The following TBXAS1 variants were observed in gnomAD, a reference collection of about 807,000 sequenced individuals.
The protein encoded by TBXAS1 is thromboxane A synthase 1, also known as thromboxane-A synthase.
In TBXAS1, 48 loss-of-function variants were observed where a neutral mutation model predicts 60.7. The observed-to-expected ratio is 0.79, with a 90% CI of 0.63 to 1.01. The LOEUF is 1.01. TBXAS1 is among the 50% of genes least tolerant of loss of function. TBXAS1 has a pLI of 0.00. For synonymous variants in TBXAS1, 287 were observed against 269.7 expected, an observed-to-expected ratio of 1.06 and a Z score of -0.63; for missense variants, 685 against 686.3, an observed-to-expected ratio of 1.00 and a Z score of 0.02.
At chr7:139,981,375 C>T (rs949469114) in intron 9 of TBXAS1, among the ~76,000 whole-genome samples, 7 of 152,164 alleles carry the variant, frequency 4.6e-5, no homozygotes, top group Admixed American at 1.3e-4. Context: ...GTCGGCCTCC[C>T]AGAGTGCTGG....
At chr7:139,915,469 C>T (rs910596742) in intron 4 of TBXAS1, among the ~76,000 whole-genome samples, 2 of 152,228 alleles carry the variant, frequency 1.3e-5, no homozygotes, top group Non-Finnish European at 2.9e-5. Flanking sequence ...AATACCTCGG[C>T]ATATTAGTTT....
In TBXAS1 at chr7:140,005,990, G is replaced by A. The variant is rs1458988157; in HGVS notation, c.1135-1101G>A. ...ATCCCAGGCAGGGTGGCCAGTGGCT[G>A]CTCCAGGGCTGTGAAGGGCTCCCCC... On this transcript the variant is annotated intron_variant, in intron 9 of 12. Coordinates refer to ENST00000448866, the MANE Select transcript of TBXAS1 (RefSeq NM_001061.7). Among the ~76,000 whole-genome samples the A allele has an allele frequency of 2.0e-5, 3 of 152,324 alleles. No individual in the cohort carries two copies. The East Asian group carries it at 5.8e-4, about 29-fold the overall frequency.
At position 139,966,496 on chromosome 7, in the gene TBXAS1, G is replaced by A. The variant is rs368790981; in HGVS notation, c.1134+4263G>A. On this transcript the variant is annotated intron_variant, in intron 9 of 12. Coordinates refer to ENST00000448866, the MANE Select transcript of TBXAS1 (RefSeq NM_001061.7). ...TTCTCTCTCCCCATTTCTCAGCTCC[G>A]GTTTCTCTGGGCACACTCCCTTCTC... Among the ~76,000 whole-genome samples, 269 of 152,326 alleles carry A rather than the reference G, an allele frequency of 1.8e-3. 1 individual carries two copies. Among genetic ancestry groups the A allele is most frequent in the African/African-American group, 5.9e-3 (244 of 41,572 alleles).
At chr7:139,923,536 G>A (rs2117117331) in intron 4 of TBXAS1, among the ~76,000 whole-genome samples, 1 of 151,766 alleles carries the variant, frequency 6.6e-6, no homozygotes, top group African/African-American at 2.4e-5. Context: ...ATGCATGCAT[G>A]ATACATGCAT....
intron 1 of TBXAS1, among the ~76,000 whole-genome samples, chr7:139,866,588 T>TA (rs574216852): frequency 0.04 from 4,821 of 121,242 alleles, 111 homozygotes; most frequent in Non-Finnish European, 0.059. Context: ...ACCCTGTTTC[T>TA]AAAAAAAAAA....
In TBXAS1 at chr7:139,896,544, C is replaced by T. The variant is rs555416009; in HGVS notation, c.237-14681C>T. Among the ~76,000 whole-genome samples the T allele has an allele frequency of 1.3e-5, 2 of 152,276 alleles. No homozygotes were observed. The highest frequency in any genetic ancestry group is 2.1e-4 in the South Asian group (1 of 4,832). On this transcript the variant is annotated intron_variant, in intron 3 of 12. Transcript: ENST00000448866. This position sits in a 1 kb window ranked among gnomAD's most constrained non-coding sequence, Gnocchi z 4.0. ...CCTGGGCTATGGTATTTTACACATT[C>T]GTGACAAATACAGCAACATCTGTCA...
At chr7:139,946,169 C>G (rs1264061525) in intron 5 of TBXAS1, among the ~76,000 whole-genome samples, 1 of 152,070 alleles carries the variant, frequency 6.6e-6, no homozygotes, top group African/African-American at 2.4e-5. Flanking sequence ...CCCGTTTCTA[C>G]AAAACATTAA....
chr7:139,812,317 C>T (rs1018411042), intron 4 of TBXAS1, among the ~76,000 whole-genome samples: 2 of 152,190 alleles, frequency 1.3e-5, no homozygotes, highest in Non-Finnish European at 2.9e-5. Context: ...TTGGGGTGAA[C>T]TCCTCGGTGA....
intron 3 of TBXAS1, among the ~76,000 whole-genome samples, chr7:139,891,085 C>T (rs1201636766): frequency 2.6e-5 from 4 of 152,056 alleles, no homozygotes; most frequent in Admixed American, 6.6e-5. Context: ...TGACATGCCA[C>T]GGATGCCTGT....
chr7:139,983,442 A>G (rs1237086106), intron 9 of TBXAS1, among the ~76,000 whole-genome samples: 1 of 152,226 alleles, frequency 6.6e-6, no homozygotes, highest in Non-Finnish European at 1.5e-5. Context: ...AGAGGCTCAG[A>G]GAGGTTAAGT....
intron 4 of TBXAS1, among the ~76,000 whole-genome samples, chr7:139,822,602 A>G (rs1046820357): frequency 6.6e-6 from 1 of 151,998 alleles, no homozygotes; most frequent in Admixed American, 6.6e-5. Context: ...GCTTCCTAAC[A>G]CTTGCTTCCT....
chr7:139,789,805 A>G (rs927021731), intron 4 of TBXAS1, among the ~76,000 whole-genome samples: 1 of 150,688 alleles, frequency 6.6e-6, no homozygotes, highest in Non-Finnish European at 1.5e-5. Context: ...TAATTTTTGC[A>G]TTTTTACTAG....
intron 1 of TBXAS1, among the ~76,000 whole-genome samples, chr7:139,844,329 T>A (rs554094528): frequency 6.6e-6 from 1 of 152,210 alleles, no homozygotes; most frequent in African/African-American, 2.4e-5. Flanking sequence ...AACTCTTCCC[T>A]ACCATCCACT....
intron 9 of TBXAS1, 166 bp downstream of exon 9, chr7:139,962,399 C>T (rs1247472993): frequency 6.2e-6 from 5 of 812,542 alleles, no homozygotes; most frequent in East Asian, 5.5e-5. Flanking sequence ...GGTTAGCAAG[C>T]GAAATGAAAT....
intron 3 of TBXAS1, among the ~76,000 whole-genome samples, chr7:139,887,243 G>A (rs767423182): frequency 1.3e-5 from 2 of 152,116 alleles, no homozygotes; most frequent in Non-Finnish European, 2.9e-5. Context: ...ACATTTGGCT[G>A]GAGGACATTA....
At chr7:139,787,095 G>A (rs1277179922) in intron 3 of TBXAS1, among the ~76,000 whole-genome samples, 1 of 152,228 alleles carries the variant, frequency 6.6e-6, no homozygotes, top group Non-Finnish European at 1.5e-5. Context: ...TTTTATCACA[G>A]TCTGTGTATA....
chr7:139,945,588 T>TA (rs1808636171), intron 5 of TBXAS1, among the ~76,000 whole-genome samples: 1 of 152,248 alleles, frequency 6.6e-6, no homozygotes, highest in African/African-American at 2.4e-5. Context: ...TCATTCTTGA[T>TA]ATAACAAATA....
chr7:139,860,890 G>A (rs78851252), intron 1 of TBXAS1, among the ~76,000 whole-genome samples: 2,568 of 152,244 alleles, frequency 0.017, 48 homozygotes, highest in African/African-American at 0.038. Flanking sequence ...ATATTCCTTC[G>A]CAGCCGGGGG....
At chr7:139,962,577 G>A (rs1007774235) in intron 9 of TBXAS1, 2 of 338,814 alleles carry the variant, frequency 5.9e-6, no homozygotes, top group South Asian at 2.5e-5. Context: ...TATCTGACTT[G>A]GAGCTGCCAC....
Sources: gnomAD v4.1 joint callset for allele counts (sites outside exome capture counted in the v4.1 genomes callset) on GRCh38, gnomAD v4.1.1 for gene constraint, Gnocchi (gnomAD v3.1) non-coding constraint, MANE v1.5 for transcripts, NCBI Gene and HGNC (gene_info 2026-07-23, HGNC 2026-07-21) for gene names.